The following CFAP54 variants were observed in gnomAD, a reference collection of about 807,000 sequenced individuals.
CFAP54 encodes the protein cilia- and flagella-associated protein 54.
Under a neutral mutation model 370.4 loss-of-function variants are expected in CFAP54, and 290 were observed. That is an observed-to-expected ratio of 0.78 (90% CI 0.71 to 0.86). The LOEUF is 0.86. CFAP54 is among the 40% of genes least tolerant of loss of function. The probability of loss-of-function intolerance (pLI) is 0.00; values close to 1 mark genes in which losing one functional copy is unlikely to be tolerated. For missense variants in CFAP54, 3,399 were observed against 3,528.7 expected (o/e 0.96, Z 0.93); for synonymous variants, 1,206 against 1,236.5 (o/e 0.98, Z 0.52).
rs756229335 is a variant in CFAP54, at chr12:96,743,816, A to G, written c.7463A>G (p.Asp2488Gly). 4 of 1,613,852 alleles carry G rather than the reference A, an allele frequency of 2.5e-6. No individual in the cohort carries two copies. Among genetic ancestry groups the G allele is most frequent in the Non-Finnish European group, 3.4e-6 (4 of 1,179,914 alleles). The change falls in exon 54 of 68, where the codon GAC (aspartate) becomes GGC (glycine). Residue 2488 changes from aspartate (D) to glycine (G), a missense_variant. Asp to Gly is a moderately conservative substitution (Grantham distance 94, BLOSUM62 -1). Around this residue, in one of 3 missense-constraint regions of CFAP54, gnomAD observed 2,796 missense variants for 2,869.7 expected, o/e 0.97. Coordinates refer to ENST00000524981, the MANE Select transcript of CFAP54 (RefSeq NM_001306084.2). ...GCAAGAAGCCTAGTTTTGCTGGATG[A>G]CTTAACCAAAGCTGAGAAATTCAAG... ...TLARSLVLLD[D>G]LTKAEKFKES...
Position 96,707,618 on chromosome 12 carries a change from G to A in CFAP54, c.6529-990G>A, listed in dbSNP as rs368041397. 3.5e-4 allele frequency among the ~76,000 whole-genome samples: 53 copies of A among 152,270 alleles called. No homozygotes were observed. In the South Asian group the frequency reaches 8.5e-3, roughly 24 times the overall value. On this transcript the variant is annotated intron_variant, in intron 47 of 67. Coordinates refer to ENST00000524981, the MANE Select transcript of CFAP54 (RefSeq NM_001306084.2). ...AGGAGATGAAGCATGGCTGTGTGCC[G>A]ATAGGAATGTTTCTACAGAGATTAG...
chr12:96,789,121 G>T (rs1226684462), intron 62 of CFAP54, among the ~76,000 whole-genome samples: 1 of 152,202 alleles, frequency 6.6e-6, no homozygotes, highest in African/African-American at 2.4e-5. Context: ...ATATTATTGG[G>T]TCATTTCAGG....
chr12:96,538,964 G>A (rs1351878553), intron 13 of CFAP54, among the ~76,000 whole-genome samples: 8 of 151,852 alleles, frequency 5.3e-5, no homozygotes, highest in African/African-American at 1.9e-4. Context: ...ACATTGCCCA[G>A]GCTGGTCACA....
At chr12:96,517,125 T>G (rs1955245023) in intron 5 of CFAP54, among the ~76,000 whole-genome samples, 1 of 152,200 alleles carries the variant, frequency 6.6e-6, no homozygotes, top group Non-Finnish European at 1.5e-5. Flanking sequence ...GAGTCATATT[T>G]TGAAAATGGC....
chr12:96,741,799 G>C lies in CFAP54; in HGVS notation c.7072-640G>C, dbSNP rs184361422. On this transcript the variant is annotated intron_variant, in intron 51 of 67. Transcript: ENST00000524981. ...GAGGGTGGCAAATTAATTATAATAC[G>C]TGTTTGGAATATGAGCAGCATACAG... Among the ~76,000 whole-genome samples the C allele has an allele frequency of 2.6e-5, 4 of 152,204 alleles. No individual in the cohort carries two copies. The East Asian group carries it at 7.7e-4, about 29-fold the overall frequency.
chr12:96,571,463 CA>C (rs1370825799), intron 19 of CFAP54, among the ~76,000 whole-genome samples: 2 of 152,014 alleles, frequency 1.3e-5, no homozygotes, highest in African/African-American at 4.8e-5. Flanking sequence ...TTTCTTTTTT[CA>C]AAGTTACTGA....
Position 96,806,215 on chromosome 12 carries a change from A to T in CFAP54, c.8851-5521A>T, listed in dbSNP as rs866366968. 1.9e-3 allele frequency among the ~76,000 whole-genome samples: 148 copies of T among 79,426 alleles called. 3 individuals carry two copies. The highest frequency in any genetic ancestry group is 7.0e-3 in the Middle Eastern group (1 of 142). 52.1% of individuals were successfully genotyped at this position (79,426 alleles called of 152,430 possible). On this transcript the variant is annotated intron_variant, in intron 63 of 67. Transcript: ENST00000524981. ...ATATATATATATATATATATATATA[A>T]TAACAACATAAAAAGAAAGTTGGAA...
chr12:96,612,393 A>G lies in CFAP54; in HGVS notation c.3640-9197A>G, dbSNP rs140996925. Among the ~76,000 whole-genome samples, 708 of 152,346 alleles carry G rather than the reference A, an allele frequency of 4.6e-3. 4 individuals carry two copies. The highest frequency in any genetic ancestry group is 0.016 in the African/African-American group (673 of 41,584). On this transcript the variant is annotated intron_variant, in intron 26 of 67. Coordinates refer to ENST00000524981, the MANE Select transcript of CFAP54 (RefSeq NM_001306084.2). ...TACAAGAGCTCCTGAAGGGAGCACT[A>G]AACATGGAAAGGAACAACCAGTACC...
Position 96,743,767 on chromosome 12 carries a change from T to C in CFAP54, c.7414T>C (p.Ser2472Pro). ...TTTGCTGGAAGGAAATGAATTTATT[T>C]CTCCTCAATCACGGCTAACCCTGGC... ...IHLLEGNEFI[S>P]PQSRLTLARS... Residue 2472 changes from serine (S) to proline (P), a missense_variant, in exon 54 of 68, where the codon TCT becomes CCT. Physicochemically the swap from Ser to Pro is moderately conservative, Grantham distance 74. Coordinates refer to ENST00000524981, the MANE Select transcript of CFAP54 (RefSeq NM_001306084.2). The C allele has an allele frequency of 6.2e-7, 1 of 1,610,796 alleles. No individual in the cohort carries two copies. The highest frequency in any genetic ancestry group is 8.5e-7 in the Non-Finnish European group (1 of 1,179,050).
At chr12:96,807,266 G>A (rs1459944748) in intron 63 of CFAP54, among the ~76,000 whole-genome samples, 1 of 152,178 alleles carries the variant, frequency 6.6e-6, no homozygotes, top group Non-Finnish European at 1.5e-5. Flanking sequence ...AAACAGGAAT[G>A]AGAACCAAAC....
Position 96,562,487 on chromosome 12 carries a change from C to T in CFAP54, c.2411-1981C>T, listed in dbSNP as rs190032058. Among the ~76,000 whole-genome samples, 148 of 142,336 alleles carry T rather than the reference C, an allele frequency of 1.0e-3. 1 individual carries two copies. The highest frequency in any genetic ancestry group is 3.7e-3 in the African/African-American group (143 of 38,140). 93.4% of individuals were successfully genotyped at this position (142,336 alleles called of 152,430 possible). On this transcript the variant is annotated intron_variant, in intron 17 of 67. Transcript: ENST00000524981. ...TGTCACCTAGGCTGGAGTGCAGTGACGTTATCTCAGCTCACTGGAACCTCT... is the reference window on the plus strand; with the variant it reads ...TGTCACCTAGGCTGGAGTGCAGTGATGTTATCTCAGCTCACTGGAACCTCT...
At chr12:96,588,576 C>T (rs1283235846) in intron 22 of CFAP54, among the ~76,000 whole-genome samples, 14 of 152,262 alleles carry the variant, frequency 9.2e-5, no homozygotes, top group Non-Finnish European at 1.8e-4. Flanking sequence ...TTGGCAGATT[C>T]GAGAGTTCTG....
chr12:96,492,282 C>G (rs893996342), intron 1 of CFAP54, among the ~76,000 whole-genome samples: 6 of 152,184 alleles, frequency 3.9e-5, no homozygotes, highest in South Asian at 4.1e-4. Context: ...CTGATACTCT[C>G]CAGGGGCTGA....
chr12:96,750,880 C>T (rs968587339), intron 55 of CFAP54, among the ~76,000 whole-genome samples: 1 of 152,116 alleles, frequency 6.6e-6, no homozygotes, highest in African/African-American at 2.4e-5. Flanking sequence ...AGTTTTACAA[C>T]GTCTTTTTCA....
intron 50 of CFAP54, among the ~76,000 whole-genome samples, chr12:96,723,113 C>A (rs569996509): frequency 2.6e-5 from 4 of 152,230 alleles, no homozygotes; most frequent in Middle Eastern, 3.4e-3. Flanking sequence ...TTAATTATTA[C>A]ACATTATGTA....
intron 1 of CFAP54, among the ~76,000 whole-genome samples, chr12:96,497,960 T>A (rs574923432): frequency 6.6e-6 from 1 of 152,360 alleles, no homozygotes; most frequent in African/African-American, 2.4e-5. Context: ...CTCTTCCCAC[T>A]GCACTCTGTG....
intron 8 of CFAP54, among the ~76,000 whole-genome samples, chr12:96,524,687 G>A (rs1249603701): frequency 6.6e-6 from 1 of 152,120 alleles, no homozygotes; most frequent in Non-Finnish European, 1.5e-5. Context: ...GATAAACAGA[G>A]CTTGACTAGG....
intron 32 of CFAP54, among the ~76,000 whole-genome samples, chr12:96,641,339 A>G (rs1457271246): frequency 6.6e-6 from 1 of 152,250 alleles, no homozygotes; most frequent in Non-Finnish European, 1.5e-5. Context: ...GCTCATCATC[A>G]CTAGCCATCA....
chr12:96,728,410 G>A (rs921675958), intron 50 of CFAP54, among the ~76,000 whole-genome samples: 28 of 151,920 alleles, frequency 1.8e-4, no homozygotes, highest in Admixed American at 6.6e-4. Context: ...TTCCCTTCTC[G>A]CTTCATTTCA....
Sources: allele counts gnomAD v4.1 joint callset (sites outside exome capture counted in the v4.1 genomes callset), GRCh38; gene constraint gnomAD v4.1.1; regional missense constraint gnomAD v4.1.1; transcripts MANE v1.5; gene names NCBI Gene and HGNC (gene_info 2026-07-23, HGNC 2026-07-21).